Variants in ADAMTS17 observed in about 807,000 individuals in gnomAD.
The protein encoded by ADAMTS17 is ADAM metallopeptidase with thrombospondin type 1 motif 17, also known as A disintegrin and metalloproteinase with thrombospondin motifs 17.
In ADAMTS17, 113 loss-of-function variants were observed where a neutral mutation model predicts 141.5. That is an observed-to-expected ratio of 0.80 (90% confidence interval 0.69 to 0.93). The LOEUF is 0.93. Among genes scored for constraint, ADAMTS17 ranks in the 40% least tolerant of loss-of-function variants. The probability of loss-of-function intolerance (pLI) is 0.00; values close to 1 mark genes in which losing one functional copy is unlikely to be tolerated. For synonymous variants in ADAMTS17, 768 were observed against 630.6 expected (o/e 1.22, Z -3.27); for missense variants, 1,659 against 1,517.9 (o/e 1.09, Z -1.54).
At chr15:100,238,687 T>A (rs2042735111) in intron 7 of ADAMTS17, among the ~76,000 whole-genome samples, 1 of 152,214 alleles carries the variant, frequency 6.6e-6, no homozygotes. Flanking sequence ...CCCAGCTCTG[T>A]CACTCGCGAG....
chr15:100,130,534 C>A (rs58428805), intron 12 of ADAMTS17, among the ~76,000 whole-genome samples: 1 of 152,096 alleles, frequency 6.6e-6, no homozygotes, highest in African/African-American at 2.4e-5. Context: ...AGGAGCATAA[C>A]CCTTCCTTTA....
chr15:100,082,151 C>T (rs975784970), intron 15 of ADAMTS17, among the ~76,000 whole-genome samples: 9 of 151,774 alleles, frequency 5.9e-5, no homozygotes, highest in Admixed American at 5.3e-4. Flanking sequence ...CTGCAACCTT[C>T]GCCTCCTGGG....
At chr15:100,058,644 A>C (rs1038825796) in intron 15 of ADAMTS17, among the ~76,000 whole-genome samples, 6 of 152,224 alleles carry the variant, frequency 3.9e-5, no homozygotes, top group African/African-American at 1.2e-4. Context: ...TGCTTCTGCC[A>C]TCGGAGGCCC....
At chr15:100,047,083 C>T (rs1313024180) in intron 18 of ADAMTS17, among the ~76,000 whole-genome samples, 4 of 151,966 alleles carry the variant, frequency 2.6e-5, no homozygotes, top group African/African-American at 9.7e-5. Context: ...AATGGCCCCC[C>T]TGGGTGTGGC....
In ADAMTS17 at chr15:99,974,348, G is replaced by A. The variant is rs1723482463; in HGVS notation, c.*54C>T. 5.6e-6 allele frequency: 9 copies of A among 1,611,448 alleles called. No individual in the cohort carries two copies. Among genetic ancestry groups the A allele is most frequent in the Non-Finnish European group, 7.6e-6 (9 of 1,179,188 alleles). On this transcript the variant is annotated 3_prime_UTR_variant, in exon 22 of 22. Coordinates refer to ENST00000268070, the MANE Select transcript of ADAMTS17 (RefSeq NM_139057.4). ...GGCCACAAGGCTGGTAGGCTTGCGG[G>A]TGGGTGGGTTTCAGACCTGAGTCTG...
intron 8 of ADAMTS17, among the ~76,000 whole-genome samples, chr15:100,166,039 A>T (rs544272380): frequency 6.6e-6 from 1 of 152,340 alleles, no homozygotes; most frequent in African/African-American, 2.4e-5. Flanking sequence ...CATCATTAGA[A>T]GTTTGAGTCT....
intron 3 of ADAMTS17, chr15:100,305,910 ATTGC>A (rs2141835486): frequency 6.6e-6 from 1 of 152,532 alleles, no homozygotes; most frequent in South Asian, 2.1e-4. Flanking sequence ...TATTCAGTTT[ATTGC>A]ATGTTAATTT....
intron 14 of ADAMTS17, among the ~76,000 whole-genome samples, chr15:100,105,955 A>T (rs8036944): frequency 0.31 from 47,139 of 151,812 alleles, 7,388 homozygotes; most frequent in East Asian, 0.46. Context: ...CCTCCCAAAG[A>T]TCTGGGATTA....
At chr15:100,265,094 C>T (rs1254622212) in intron 4 of ADAMTS17, among the ~76,000 whole-genome samples, 2 of 152,194 alleles carry the variant, frequency 1.3e-5, no homozygotes, top group African/African-American at 4.8e-5. Context: ...GCACTGACGT[C>T]CAAGAGAGCA....
At chr15:100,090,008 A>G (rs950509468) in intron 15 of ADAMTS17, among the ~76,000 whole-genome samples, 1 of 150,366 alleles carries the variant, frequency 6.7e-6, no homozygotes, top group Admixed American at 6.6e-5. Context: ...AAAAAAAAAC[A>G]AAATAAAATT....
intron 18 of ADAMTS17, among the ~76,000 whole-genome samples, chr15:100,006,984 CGTGA>C (rs2061048603): frequency 6.6e-6 from 1 of 152,220 alleles, no homozygotes; most frequent in Non-Finnish European, 1.5e-5. Flanking sequence ...TTCCCAGATA[CGTGA>C]GTGTCAACCT....
intron 8 of ADAMTS17, among the ~76,000 whole-genome samples, chr15:100,172,922 T>C (rs1567301180): frequency 1.3e-5 from 2 of 152,228 alleles, no homozygotes; most frequent in Non-Finnish European, 2.9e-5. Context: ...GGAACAAGCA[T>C]TCTGTTTCCA....
At chr15:100,271,242 G>A (rs1448161202) in intron 4 of ADAMTS17, among the ~76,000 whole-genome samples, 1 of 152,000 alleles carries the variant, frequency 6.6e-6, no homozygotes, top group African/African-American at 2.4e-5. Flanking sequence ...CCCTGCTTTG[G>A]GATAAACATT....
intron 8 of ADAMTS17, among the ~76,000 whole-genome samples, chr15:100,169,773 G>C (rs1369792996): frequency 6.6e-6 from 1 of 152,226 alleles, no homozygotes; most frequent in Non-Finnish European, 1.5e-5. Flanking sequence ...GAGGTGGAAA[G>C]CCGGGGGCAT....
At chr15:100,208,068 T>G (rs2041647708) in intron 7 of ADAMTS17, among the ~76,000 whole-genome samples, 1 of 152,040 alleles carries the variant, frequency 6.6e-6, no homozygotes, top group Non-Finnish European at 1.5e-5. Context: ...CAGGGGAAGG[T>G]GGGATGGGCC....
chr15:99,997,450 C>T lies in ADAMTS17; in HGVS notation c.2731G>A (p.Ala911Thr). The T allele has an allele frequency of 6.2e-7, 1 of 1,613,638 alleles. No individual in the cohort carries two copies. Among genetic ancestry groups the T allele is most frequent in the Non-Finnish European group, 8.5e-7 (1 of 1,179,992 alleles). ...RPLYCPGPRPAAVQSCEGQDC... is the reference protein window; with the variant it reads ...RPLYCPGPRPTAVQSCEGQDC... ...TGGCCTTCACAGCTCTGCACTGCCGCCGGCCGGGGGCCCGGGCAGTAGAGG... is the reference window on the plus strand; with the variant it reads ...TGGCCTTCACAGCTCTGCACTGCCGTCGGCCGGGGGCCCGGGCAGTAGAGG... Residue 911 changes from alanine (A) to threonine (T), a missense_variant, in exon 19 of 22, where the codon GCG (alanine) becomes ACG (threonine). Physicochemically the swap from Ala to Thr is moderately conservative, Grantham distance 58. Coordinates refer to ENST00000268070, the MANE Select transcript of ADAMTS17 (RefSeq NM_139057.4). The surrounding 1 kb of genome is among the most constrained non-coding windows in gnomAD (Gnocchi z 4.7).
intron 7 of ADAMTS17, among the ~76,000 whole-genome samples, chr15:100,226,187 C>G (rs186579158): frequency 6.6e-6 from 1 of 151,620 alleles, no homozygotes; most frequent in African/African-American, 2.4e-5. Flanking sequence ...TGTGCCATTC[C>G]GTCCTCAGAG....
At chr15:100,015,365 G>A (rs1252737477) in intron 18 of ADAMTS17, among the ~76,000 whole-genome samples, 1 of 152,104 alleles carries the variant, frequency 6.6e-6, no homozygotes, top group East Asian at 1.9e-4. Flanking sequence ...GGGATGTGAG[G>A]TACCGTTGCA....
intron 7 of ADAMTS17, among the ~76,000 whole-genome samples, chr15:100,250,751 T>C (rs1287797325): frequency 6.6e-6 from 1 of 152,200 alleles, no homozygotes; most frequent in African/African-American, 2.4e-5. Context: ...TAGTTCACTC[T>C]ATCGGGTCCG....
Sources: allele counts gnomAD v4.1 joint callset (sites outside exome capture counted in the v4.1 genomes callset), GRCh38; gene constraint gnomAD v4.1.1; non-coding constraint Gnocchi (gnomAD v3.1); transcripts MANE v1.5; gene names NCBI Gene and HGNC (gene_info 2026-07-23, HGNC 2026-07-21).